GRM5: variants seen among roughly 807,000 people sequenced by gnomAD.
GRM5 encodes the protein metabotropic glutamate receptor 5.
A neutral mutation model predicts 83.1 loss-of-function variants in GRM5; 19 were observed. That is an observed-to-expected ratio of 0.23 (90% CI 0.16 to 0.34). GRM5 has a LOEUF of 0.34. GRM5 is among the 10% of genes least tolerant of loss of function. The pLI is 1.00. For missense variants in GRM5, 1,160 were observed against 1,588.3 expected (o/e 0.73, Z 4.58); for synonymous variants, 675 against 633.6 (o/e 1.07, Z -0.98).
chr11:88,980,772 G>A (rs1053744274), intron 2 of GRM5, among the ~76,000 whole-genome samples: 4 of 151,874 alleles, frequency 2.6e-5, no homozygotes, highest in Admixed American at 1.3e-4. Flanking sequence ...GCAGTGAGCC[G>A]AAATCTCACC....
In GRM5 at chr11:88,958,524, A is replaced by C. The variant is rs662232; in HGVS notation, c.661+88688T>G. Among the ~76,000 whole-genome samples the C allele has an allele frequency of 2.4e-3, 371 of 152,186 alleles. 5 individuals are homozygous for C. Among genetic ancestry groups the C allele is most frequent in the Admixed American group, 4.8e-3 (73 of 15,286 alleles). On this transcript the variant is annotated intron_variant, in intron 2 of 9. Transcript: ENST00000305447. ...TTGTTCCTCTAAGGCTTAGGCTTAA[A>C]TATTCACACATTTCAATATAAAATA... is the stretch of plus-strand genomic sequence containing the variant.
chr11:88,794,131 T>C (rs1943230780), intron 3 of GRM5, among the ~76,000 whole-genome samples: 1 of 152,134 alleles, frequency 6.6e-6, no homozygotes, highest in Admixed American at 6.5e-5. Context: ...AATATAATGG[T>C]TTGGAATCCT....
chr11:88,854,177 C>T (rs574899274), intron 2 of GRM5, among the ~76,000 whole-genome samples: 5 of 151,098 alleles, frequency 3.3e-5, no homozygotes, highest in East Asian at 1.9e-4. Flanking sequence ...ATTTTTGTAC[C>T]GCTAATGGGA....
chr11:88,960,324 C>T (rs1426559412), intron 2 of GRM5, among the ~76,000 whole-genome samples: 1 of 151,932 alleles, frequency 6.6e-6, no homozygotes, highest in Non-Finnish European at 1.5e-5. Flanking sequence ...GTGTCAGGCT[C>T]TATTCTAAGT....
At chr11:88,933,990 G>C (rs1271064518) in intron 2 of GRM5, among the ~76,000 whole-genome samples, 1 of 151,566 alleles carries the variant, frequency 6.6e-6, no homozygotes, top group African/African-American at 2.4e-5. Flanking sequence ...TTTAAGGACA[G>C]ATAATAAGAT....
chr11:88,665,147 ATAATT>A (rs995002257), intron 3 of GRM5, among the ~76,000 whole-genome samples: 6 of 138,908 alleles, frequency 4.3e-5, no homozygotes, highest in African/African-American at 1.6e-4. Flanking sequence ...GATAGAAGAG[ATAATT>A]TAATTTATTT....
chr11:88,940,334 G>T (rs1484664960), intron 2 of GRM5, among the ~76,000 whole-genome samples: 2 of 142,900 alleles, frequency 1.4e-5, no homozygotes, highest in Admixed American at 1.4e-4. Context: ...TTTTTTGGAA[G>T]ACCTTTTAAA....
intron 1 of GRM5, among the ~76,000 whole-genome samples, chr11:89,060,546 C>T (rs1941970761): frequency 1.3e-5 from 2 of 151,924 alleles, no homozygotes; most frequent in Admixed American, 1.3e-4. Context: ...AATAAAATAA[C>T]ATACCTACTG....
At chr11:88,578,373 A>G (rs560591805) in intron 7 of GRM5, among the ~76,000 whole-genome samples, 2 of 152,266 alleles carry the variant, frequency 1.3e-5, no homozygotes, top group Admixed American at 1.3e-4. Flanking sequence ...AAATGTGATA[A>G]TTTATTTTGG....
chr11:89,016,868 G>T (rs1176927743), intron 2 of GRM5, among the ~76,000 whole-genome samples: 4 of 152,062 alleles, frequency 2.6e-5, no homozygotes, highest in African/African-American at 9.7e-5. Context: ...GTTTTTCATT[G>T]CAAACTGGAT....
chr11:88,618,902 G>A (rs556472810), intron 4 of GRM5, among the ~76,000 whole-genome samples: 16 of 152,280 alleles, frequency 1.1e-4, no homozygotes, highest in African/African-American at 3.1e-4. Context: ...GTACTAAGCC[G>A]ACTTGACTTG....
chr11:88,725,206 T>G (rs1220235348), intron 3 of GRM5, among the ~76,000 whole-genome samples: 1 of 151,938 alleles, frequency 6.6e-6, no homozygotes, highest in Non-Finnish European at 1.5e-5. Context: ...GGGGGAGAGG[T>G]GTCCACCATT....
intron 7 of GRM5, among the ~76,000 whole-genome samples, chr11:88,588,978 A>T (rs1270259814): frequency 6.6e-6 from 1 of 152,162 alleles, no homozygotes; most frequent in Non-Finnish European, 1.5e-5. Context: ...CTGTTGAAAT[A>T]ATGAAAGTGT....
chr11:88,763,084 C>A (rs1942560108), intron 3 of GRM5, among the ~76,000 whole-genome samples: 2 of 151,712 alleles, frequency 1.3e-5, no homozygotes, highest in Non-Finnish European at 3.0e-5. Flanking sequence ...AGGTTTAACA[C>A]CTGGGTGACA....
intron 2 of GRM5, among the ~76,000 whole-genome samples, chr11:88,953,083 C>T (rs997656610): frequency 3.3e-5 from 5 of 152,186 alleles, no homozygotes; most frequent in African/African-American, 4.8e-5. Context: ...TTCATTTATC[C>T]TTCTGCAAAG....
intron 7 of GRM5, among the ~76,000 whole-genome samples, chr11:88,580,336 T>C (rs1011866078): frequency 6.6e-6 from 1 of 151,876 alleles, no homozygotes; most frequent in Non-Finnish European, 1.5e-5. Context: ...TGAATGAAAC[T>C]GGGTATGATC....
intron 2 of GRM5, among the ~76,000 whole-genome samples, chr11:88,891,083 C>A (rs1945136636): frequency 6.6e-6 from 1 of 152,028 alleles, no homozygotes; most frequent in African/African-American, 2.4e-5. Flanking sequence ...CTGTCTTAAG[C>A]CACTAATCTG....
chr11:88,703,055 C>T (rs535513692), intron 3 of GRM5, among the ~76,000 whole-genome samples: 1 of 150,392 alleles, frequency 6.6e-6, no homozygotes, highest in African/African-American at 2.4e-5. Flanking sequence ...TCTTGTTTGA[C>T]TTAATTAGCA....
In GRM5 at chr11:88,771,135, G is replaced by A. The variant is rs541784110; in HGVS notation, c.911+78771C>T. 4.6e-5 allele frequency among the ~76,000 whole-genome samples: 7 copies of A among 152,200 alleles called. No homozygotes were observed. In the South Asian group the frequency reaches 6.2e-4, roughly 14 times the overall value. ...AGAGATCACCTAGCCCTGGCCTGTC[G>A]AGTATGGTAGCTTCTAGCCCCTTGA... On this transcript the variant is annotated intron_variant, in intron 3 of 9. Coordinates refer to ENST00000305447, the MANE Select transcript of GRM5 (RefSeq NM_001143831.3).
Sources: allele counts gnomAD v4.1 joint callset (sites outside exome capture counted in the v4.1 genomes callset), GRCh38; gene constraint gnomAD v4.1.1; transcripts MANE v1.5; gene names NCBI Gene and HGNC (gene_info 2026-07-23, HGNC 2026-07-21).